CDH13: variants seen among roughly 807,000 people sequenced by gnomAD.
CDH13 encodes the protein cadherin 13.
CDH13 carries 24 observed loss-of-function variants against 63.8 expected under a neutral mutation model. That is an observed-to-expected ratio of 0.38 (90% CI 0.27 to 0.53). The LOEUF is 0.53. CDH13 is among the 20% of genes least tolerant of loss of function. The probability of loss-of-function intolerance (pLI) is 0.85; values close to 1 mark genes in which losing one functional copy is unlikely to be tolerated. For missense variants in CDH13, 1,049 were observed against 903.1 expected (o/e 1.16, Z -2.07); for synonymous variants, 503 against 355.3 (o/e 1.42, Z -4.67).
intron 8 of CDH13, among the ~76,000 whole-genome samples, chr16:83,646,514 A>G (rs927273934): frequency 3.9e-5 from 6 of 151,968 alleles, no homozygotes; most frequent in Non-Finnish European, 4.4e-5. Context: ...CAGTCTGGCC[A>G]AAATGGTGAA....
intron 6 of CDH13, among the ~76,000 whole-genome samples, chr16:83,369,514 G>C (rs2091323508): frequency 6.6e-6 from 1 of 152,064 alleles, no homozygotes; most frequent in Admixed American, 6.6e-5. Context: ...TAGCTCCAAG[G>C]CTCGGGTCAT....
chr16:83,150,967 A>G (rs373176901), intron 4 of CDH13, among the ~76,000 whole-genome samples: 1 of 152,022 alleles, frequency 6.6e-6, no homozygotes, highest in African/African-American at 2.4e-5. Context: ...TCTTTTTTTT[A>G]CATTCCCAGT....
At chr16:82,728,131 C>T (rs563137270) in intron 1 of CDH13, among the ~76,000 whole-genome samples, 6 of 152,122 alleles carry the variant, frequency 3.9e-5, no homozygotes, top group Non-Finnish European at 5.9e-5. Context: ...TGTAAAACAC[C>T]TGGAAGAGAG....
chr16:83,707,836 C>CAAAAAAAAAAAAAAAAAAAAAAAAAAAA lies in CDH13; in HGVS notation c.1538+29397_1538+29398insAAAAAAAAAAAAAAAAAAAAAAAAAAAA, dbSNP rs61067563. ...CATCTTTGGTGAGAGACCCTAAAGG[C>CAAAAAAAAAAAAAAAAAAAAAAAAAAAA]AAAAAAAAAAAAAAAAAAAAAAGAG... On this transcript the variant is annotated intron_variant, in intron 10 of 13. Transcript: ENST00000567109. 4.6e-4 allele frequency among the ~76,000 whole-genome samples: 36 copies of CAAAAAAAAAAAAAAAAAAAAAAAAAAAA among 78,864 alleles called. 6 individuals are homozygous for CAAAAAAAAAAAAAAAAAAAAAAAAAAAA. Among genetic ancestry groups the CAAAAAAAAAAAAAAAAAAAAAAAAAAAA allele is most frequent in the African/African-American group, 1.2e-3 (23 of 19,974 alleles). 51.7% of individuals were successfully genotyped at this position (78,864 alleles called of 152,430 possible). A position where few individuals can be genotyped will look rare whatever the true frequency, so the allele number is the denominator to read the frequency against.
At chr16:83,349,835 A>G (rs2090914475) in intron 6 of CDH13, among the ~76,000 whole-genome samples, 1 of 152,076 alleles carries the variant, frequency 6.6e-6, no homozygotes, top group Admixed American at 6.5e-5. Flanking sequence ...TCCTGACCTC[A>G]GGTTATCCGC....
At chr16:82,773,730 C>T (rs78794531) in intron 1 of CDH13, among the ~76,000 whole-genome samples, 6,637 of 152,028 alleles carry the variant, frequency 0.044, 213 homozygotes, top group Non-Finnish European at 0.069. Context: ...ATGTTGCCAA[C>T]ATTGCATTTT....
chr16:83,404,498 G>A (rs552027676), intron 6 of CDH13, among the ~76,000 whole-genome samples: 5 of 152,288 alleles, frequency 3.3e-5, no homozygotes, highest in Admixed American at 6.5e-5. Context: ...AAAATACTTA[G>A]AGCCCACAAG....
At chr16:83,694,941 T>G (rs1034727050) in intron 10 of CDH13, among the ~76,000 whole-genome samples, 1 of 152,140 alleles carries the variant, frequency 6.6e-6, no homozygotes, top group African/African-American at 2.4e-5. Flanking sequence ...GCACGGTGGT[T>G]CACGCCTATA....
At chr16:82,867,751 C>T (rs183468379) in intron 2 of CDH13, among the ~76,000 whole-genome samples, 37 of 152,310 alleles carry the variant, frequency 2.4e-4, no homozygotes, top group Non-Finnish European at 4.4e-4. Flanking sequence ...AGGAAATACA[C>T]TGTCAGTGAA....
At chr16:83,246,994 G>T (rs530789964) in intron 5 of CDH13, among the ~76,000 whole-genome samples, 3 of 152,314 alleles carry the variant, frequency 2.0e-5, no homozygotes, top group Admixed American at 2.0e-4. Flanking sequence ...ATCCGGGGTA[G>T]ATGCCTGGCA....
chr16:83,401,057 T>C (rs1202772722), intron 6 of CDH13, among the ~76,000 whole-genome samples: 1 of 151,908 alleles, frequency 6.6e-6, no homozygotes, highest in Non-Finnish European at 1.5e-5. Context: ...ATACAAAAAA[T>C]TGGCCAAATG....
intron 10 of CDH13, among the ~76,000 whole-genome samples, chr16:83,724,024 G>A (rs983774509): frequency 1.1e-4 from 17 of 151,674 alleles, no homozygotes; most frequent in South Asian, 6.3e-4. Flanking sequence ...GCATGGGTGG[G>A]TGATGAACGC....
At chr16:83,025,875 C>G (rs1915755749) in intron 2 of CDH13, among the ~76,000 whole-genome samples, 1 of 152,122 alleles carries the variant, frequency 6.6e-6, no homozygotes, top group Admixed American at 6.5e-5. Flanking sequence ...TTAGATTAAT[C>G]AGGGGGAGCT....
chr16:83,072,761 A>C (rs998026563), intron 3 of CDH13, among the ~76,000 whole-genome samples: 19 of 152,114 alleles, frequency 1.2e-4, no homozygotes, highest in African/African-American at 4.3e-4. Flanking sequence ...TTCCCCTAAG[A>C]ACACCCCTCA....
At chr16:83,514,419 G>T (rs1011843221) in intron 7 of CDH13, among the ~76,000 whole-genome samples, 3 of 152,198 alleles carry the variant, frequency 2.0e-5, no homozygotes, top group African/African-American at 7.2e-5. Flanking sequence ...CAAGGCAGGT[G>T]GATCACCTGA....
rs372311177 is a variant in CDH13, at chr16:83,790,542, A to G, written c.2135-4481A>G. Among the ~76,000 whole-genome samples, 8 of 152,088 alleles carry G rather than the reference A, an allele frequency of 5.3e-5. 1 individual carries two copies. The East Asian group carries it at 1.6e-3, about 30-fold the overall frequency. ...AGCCTCCCGAGTGGCTGAGACTACA[A>G]GCGCCCGCCACCATGCCTGGCTAAT... On this transcript the variant is annotated intron_variant, in intron 13 of 13. Transcript: ENST00000567109.
chr16:83,325,757 G>T (rs1049327918), intron 5 of CDH13, among the ~76,000 whole-genome samples: 13 of 151,952 alleles, frequency 8.6e-5, no homozygotes, highest in African/African-American at 2.7e-4. Flanking sequence ...TCTTCTCAGG[G>T]AACAAATACC....
At chr16:82,724,041 C>A (rs1345953469) in intron 1 of CDH13, among the ~76,000 whole-genome samples, 1 of 152,198 alleles carries the variant, frequency 6.6e-6, no homozygotes, top group East Asian at 1.9e-4. Flanking sequence ...CATTGGTACT[C>A]TCTGAGCCTT....
intron 6 of CDH13, among the ~76,000 whole-genome samples, chr16:83,368,780 A>G (rs1198011440): frequency 6.7e-6 from 1 of 150,344 alleles, no homozygotes; most frequent in Non-Finnish European, 1.5e-5. Context: ...TCGATTTTCC[A>G]TTCCTGAGTT....
Sources: gnomAD v4.1 joint callset for allele counts (sites outside exome capture counted in the v4.1 genomes callset) on GRCh38, gnomAD v4.1.1 for gene constraint, MANE v1.5 for transcripts, NCBI Gene and HGNC (gene_info 2026-07-23, HGNC 2026-07-21) for gene names.